The following GRIK2 variants were observed in gnomAD, a reference collection of about 807,000 sequenced individuals.
GRIK2 encodes glutamate ionotropic receptor kainate type subunit 2, also known as glutamate receptor ionotropic, kainate 2.
Under a neutral mutation model 100.3 loss-of-function variants are expected in GRIK2, and 32 were observed. That is an observed-to-expected ratio of 0.32 (90% CI 0.24 to 0.43). GRIK2 has a LOEUF of 0.43. Among genes scored for constraint, GRIK2 ranks in the 20% least tolerant of loss-of-function variants. The pLI, the probability that GRIK2 is intolerant of heterozygous loss-of-function variation, is 1.00. For synonymous variants in GRIK2, 417 were observed against 389.4 expected, an observed-to-expected ratio of 1.07 and a Z score of -0.83; for missense variants, 843 against 1,114.9, an observed-to-expected ratio of 0.76 and a Z score of 3.47.
chr6:101,994,498 TCACA>T (rs1037079812), intron 14 of GRIK2, among the ~76,000 whole-genome samples: 4 of 151,804 alleles, frequency 2.6e-5, no homozygotes, highest in African/African-American at 9.7e-5. Flanking sequence ...TTTTTTTATA[TCACA>T]AAAATGACTG....
chr6:101,582,631 T>G (rs1395721636), intron 2 of GRIK2, among the ~76,000 whole-genome samples: 1 of 152,066 alleles, frequency 6.6e-6, no homozygotes, highest in Admixed American at 6.6e-5. Flanking sequence ...ATTGAAAGAT[T>G]TATAAGACAA....
At chr6:101,767,248 TTTAA>T (rs1303087921) in intron 7 of GRIK2, among the ~76,000 whole-genome samples, 6 of 152,228 alleles carry the variant, frequency 3.9e-5, no homozygotes, top group Non-Finnish European at 8.8e-5. Context: ...GCTTTAGTTA[TTTAA>T]TTTTCTTCCA....
chr6:101,809,851 G>T (rs912539475), intron 9 of GRIK2, among the ~76,000 whole-genome samples: 1 of 151,882 alleles, frequency 6.6e-6, no homozygotes, highest in African/African-American at 2.4e-5. Context: ...ACATTTTTGT[G>T]TGTCAGTGTG....
At chr6:101,949,370 CT>C (rs139136973) in intron 14 of GRIK2, among the ~76,000 whole-genome samples, 1 of 151,800 alleles carries the variant, frequency 6.6e-6, no homozygotes, top group Non-Finnish European at 1.5e-5. Context: ...CTTTGATTAT[CT>C]TTTTTTTGTT....
intron 2 of GRIK2, among the ~76,000 whole-genome samples, chr6:101,570,231 T>G (rs928526029): frequency 3.9e-5 from 6 of 152,092 alleles, no homozygotes; most frequent in Non-Finnish European, 8.8e-5. Context: ...CTTTTCTATC[T>G]GGTAAACTTG....
intron 2 of GRIK2, among the ~76,000 whole-genome samples, chr6:101,523,179 A>C (rs1037744022): frequency 1.3e-5 from 2 of 152,142 alleles, no homozygotes; most frequent in African/African-American, 4.8e-5. Context: ...TCTCAGTATA[A>C]GTAAGAGAAA....
intron 12 of GRIK2, among the ~76,000 whole-genome samples, chr6:101,922,745 C>A (rs2051449): frequency 0.81 from 123,834 of 152,012 alleles, 50,640 homozygotes; most frequent in East Asian, 0.92. Context: ...GCAGCAGAGC[C>A]CGTTCATGAT....
intron 9 of GRIK2, among the ~76,000 whole-genome samples, chr6:101,808,498 C>G (rs878985260): frequency 6.6e-6 from 1 of 151,894 alleles, no homozygotes; most frequent in Admixed American, 6.6e-5. Context: ...GTTACACTTT[C>G]CTGGTTATTC....
chr6:101,418,284 T>C (rs563602400), intron 2 of GRIK2, among the ~76,000 whole-genome samples: 4 of 152,314 alleles, frequency 2.6e-5, no homozygotes, highest in African/African-American at 9.6e-5. Context: ...TCCTAGAATC[T>C]CCACAGACAT....
chr6:102,067,038 C>G (rs1772051518), intron 16 of GRIK2, among the ~76,000 whole-genome samples: 1 of 151,670 alleles, frequency 6.6e-6, no homozygotes, highest in South Asian at 2.1e-4. Flanking sequence ...CTCTCTGAAT[C>G]AGTTTTCTCT....
chr6:101,501,794 A>G (rs1054010981), intron 2 of GRIK2, among the ~76,000 whole-genome samples: 2 of 152,072 alleles, frequency 1.3e-5, no homozygotes, highest in Non-Finnish European at 1.5e-5. Flanking sequence ...GTCTCACTTT[A>G]TCACTTAGGC....
At chr6:101,840,699 T>A (rs2128434063) in intron 10 of GRIK2, among the ~76,000 whole-genome samples, 1 of 152,356 alleles carries the variant, frequency 6.6e-6, no homozygotes, top group East Asian at 1.9e-4. Context: ...GTGCCTAACC[T>A]GGAATGAATA....
chr6:101,590,423 G>A (rs1386225691), intron 2 of GRIK2, among the ~76,000 whole-genome samples: 1 of 152,076 alleles, frequency 6.6e-6, no homozygotes, highest in Non-Finnish European at 1.5e-5. Flanking sequence ...GGACAGGTAT[G>A]TGGGGAGACT....
At chr6:101,807,462 A>G (rs1160312744) in intron 9 of GRIK2, among the ~76,000 whole-genome samples, 4 of 152,022 alleles carry the variant, frequency 2.6e-5, no homozygotes. Context: ...CCAAATGAGA[A>G]CAAGTGGAAG....
intron 16 of GRIK2, chr6:102,065,819 A>C: frequency 6.6e-7 from 1 of 1,519,034 alleles, no homozygotes. Context: ...AAGTTACCTC[A>C]AGACTATGTA....
chr6:101,492,732 A>C (rs2128268040), intron 2 of GRIK2, among the ~76,000 whole-genome samples: 1 of 152,134 alleles, frequency 6.6e-6, no homozygotes, highest in African/African-American at 2.4e-5. Flanking sequence ...TACTGGTGAC[A>C]TGAGTTCACA....
intron 2 of GRIK2, among the ~76,000 whole-genome samples, chr6:101,448,480 T>A (rs1770495203): frequency 6.6e-6 from 1 of 151,536 alleles, no homozygotes; most frequent in Admixed American, 6.6e-5. Context: ...AGTAAAGCGA[T>A]TATAGGGAAA....
intron 14 of GRIK2, among the ~76,000 whole-genome samples, chr6:101,979,139 G>A (rs754604275): frequency 1.9e-4 from 29 of 151,944 alleles, no homozygotes; most frequent in Non-Finnish European, 3.5e-4. Flanking sequence ...CAAACAAAGG[G>A]TAAGAGAAAG....
At chr6:101,890,058 G>T (rs576366776) in intron 12 of GRIK2, 195 bp downstream of exon 12, 2 of 570,288 alleles carry the variant, frequency 3.5e-6, no homozygotes, top group Admixed American at 3.1e-5. Context: ...AGAGCATGCT[G>T]GTTGTGTCAG....
Sources: gnomAD v4.1 joint callset for allele counts (sites outside exome capture counted in the v4.1 genomes callset) on GRCh38, gnomAD v4.1.1 for gene constraint, MANE v1.5 for transcripts, NCBI Gene and HGNC (gene_info 2026-07-23, HGNC 2026-07-21) for gene names.